The following DNAH8 variants were observed in gnomAD, a reference collection of about 807,000 sequenced individuals.
DNAH8 encodes dynein axonemal heavy chain 8.
Under a neutral mutation model 562.1 loss-of-function variants are expected in DNAH8, and 382 were observed. The ratio of observed to expected loss-of-function variants is 0.68; its 90% CI spans 0.63 to 0.74. DNAH8 has a LOEUF of 0.74. Among genes scored for constraint, DNAH8 ranks in the 30% least tolerant of loss-of-function variants. The pLI is 0.00. For synonymous variants in DNAH8, 1,881 were observed against 1,919.4 expected (o/e 0.98, Z 0.52); for missense variants, 5,203 against 5,620.4 (o/e 0.93, Z 2.37).
chr6:38,785,640 A>C (rs1582999624), intron 17 of DNAH8, among the ~76,000 whole-genome samples: 7 of 142,178 alleles, frequency 4.9e-5, no homozygotes, highest in Admixed American at 7.1e-5. Flanking sequence ...CTTGCTCCCC[A>C]CCCCCCGACA....
In DNAH8 at chr6:38,822,841, C is replaced by G; in HGVS notation, c.3527C>G (p.Ser1176Cys). 1.9e-6 allele frequency: 3 copies of G among 1,572,852 alleles called. No homozygotes were observed. Among genetic ancestry groups the G allele is most frequent in the Non-Finnish European group, 2.6e-6 (3 of 1,164,882 alleles). ...GTGTAAAAACATCTGTTTTCAGGAT[C>G]TTTTGAAGAAGCTATTCCTGCGAGG... Reference protein sequence around the residue: ...TGKLLKKEERSFEEAIPARKL... With the variant: ...TGKLLKKEERCFEEAIPARKL... Residue 1176 changes from serine (S) to cysteine (C), a missense_variant, in exon 27 of 93, where the codon TCT (serine) becomes TGT (cysteine). By Grantham distance (112) the Ser-to-Cys change is moderately radical (BLOSUM62 -1). Transcript: ENST00000327475.
At chr6:39,005,743 A>G (rs1257201489) in intron 88 of DNAH8, among the ~76,000 whole-genome samples, 1 of 152,230 alleles carries the variant, frequency 6.6e-6, no homozygotes, top group Non-Finnish European at 1.5e-5. Flanking sequence ...TATCCTAGCA[A>G]TTAGAAGACA....
chr6:38,919,516 G>A (rs914294221), intron 70 of DNAH8, among the ~76,000 whole-genome samples: 4 of 152,022 alleles, frequency 2.6e-5, no homozygotes, highest in Non-Finnish European at 4.4e-5. Context: ...TAATTATATA[G>A]AAATTTTACA....
chr6:38,965,547 G>A (rs1025213636), intron 82 of DNAH8, among the ~76,000 whole-genome samples: 4 of 152,158 alleles, frequency 2.6e-5, no homozygotes, highest in African/African-American at 7.2e-5. Context: ...AAGAAAAAGT[G>A]GAAGAGACAC....
chr6:38,972,405 C>T (rs1763407933), intron 83 of DNAH8, among the ~76,000 whole-genome samples: 1 of 152,000 alleles, frequency 6.6e-6, no homozygotes, highest in African/African-American at 2.4e-5. Context: ...GTCATTAATT[C>T]TCAAATGCCC....
Position 38,908,115 on chromosome 6 carries a change from T to G in DNAH8, c.9508T>G (p.Ser3170Ala). Residue 3170 changes from serine (S) to alanine (A), a missense_variant, in exon 64 of 93, where the codon TCT becomes GCT. Physicochemically the swap from Ser to Ala is moderately conservative, Grantham distance 99. Transcript: ENST00000327475. ...RKNLHVVLCF[S>A]PVGEKFRARS... ...GAACTTACATGTTGTTCTCTGCTTT[T>G]CTCCAGTAAGTTTTTATTTTTATTT... The G allele has an allele frequency of 6.4e-7, 1 of 1,556,624 alleles. No homozygotes were observed. The highest frequency in any genetic ancestry group is 8.7e-7 in the Non-Finnish European group (1 of 1,153,050).
At chr6:38,998,589 A>G (rs754024395) in intron 88 of DNAH8, among the ~76,000 whole-genome samples, 1 of 152,222 alleles carries the variant, frequency 6.6e-6, no homozygotes, top group African/African-American at 2.4e-5. Flanking sequence ...ATGCTCATTG[A>G]TATTTCATGT....
intron 85 of DNAH8, among the ~76,000 whole-genome samples, chr6:38,981,150 G>T (rs902034556): frequency 6.6e-6 from 1 of 151,872 alleles, no homozygotes; most frequent in Non-Finnish European, 1.5e-5. Flanking sequence ...TAGATGTATA[G>T]GGATTCTACT....
chr6:38,772,953 C>G (rs1420845598), intron 12 of DNAH8, among the ~76,000 whole-genome samples: 1 of 143,480 alleles, frequency 7.0e-6, no homozygotes, highest in African/African-American at 2.6e-5. Flanking sequence ...CATATACCAC[C>G]ATGCCTAGCT....
Position 38,909,689 on chromosome 6 carries a change from A to G in DNAH8, c.9685A>G (p.Thr3229Ala). Residue 3229 changes from threonine to alanine, a missense_variant, in exon 65 of 93, where the codon ACA becomes GCA. Physicochemically the swap from Thr to Ala is moderately conservative, Grantham distance 58 (BLOSUM62 0). Transcript: ENST00000327475. ...TGAAATTAAAAGACAAGTTGTAGAAACAATGGGCCTGTTTCATGACATGGT... is the reference window on the plus strand; with the variant it reads ...TGAAATTAAAAGACAAGTTGTAGAAGCAATGGGCCTGTTTCATGACATGGT... ...SSEIKRQVVETMGLFHDMVSE... is the reference protein window; with the variant it reads ...SSEIKRQVVEAMGLFHDMVSE... The G allele has an allele frequency of 6.2e-7, 1 of 1,614,162 alleles. No individual in the cohort carries two copies.
Position 38,857,529 on chromosome 6 carries a change from G to T in DNAH8, c.5745G>T (p.Leu1915=). Residue 1915 remains leucine, a synonymous_variant, in exon 42 of 93, where the codon CTG becomes CTT. Transcript: ENST00000327475. ...TGCTGGATCTGTAGGTTGGACTTCT[G>T]GGAATTCAGATGTTGTGGACACACG... ...LSHFPAQVGL[L]GIQMLWTHDS... The T allele has an allele frequency of 9.9e-6, 16 of 1,608,500 alleles. No individual in the cohort carries two copies. The highest frequency in any genetic ancestry group is 1.3e-5 in the Non-Finnish European group (15 of 1,176,740).
chr6:38,814,105 A>C lies in DNAH8; in HGVS notation c.3309A>C (p.Glu1103Asp). Residue 1103 changes from glutamate (E) to aspartate (D), a missense_variant, in exon 25 of 93, where the codon GAA (glutamate) becomes GAC (aspartate). Around this residue, in one of 6 missense-constraint regions of DNAH8, gnomAD observed 2,176 missense variants for 2,365.1 expected, o/e 0.92. Coordinates refer to ENST00000327475, the MANE Select transcript of DNAH8 (RefSeq NM_001206927.2). Reference protein sequence around the residue: ...SEDIISFIKSEVHLAIPNVVM... With the variant: ...SEDIISFIKSDVHLAIPNVVM... ...ATATTATTTCCTTTATAAAAAGTGA[A>C]GTACATCTTGCAATTCCTAATGTGG... 1.3e-6 allele frequency: 2 copies of C among 1,578,962 alleles called. No homozygotes were observed. Among genetic ancestry groups the C allele is most frequent in the Non-Finnish European group, 1.7e-6 (2 of 1,149,936 alleles).
rs762339219 is a variant in DNAH8, at chr6:38,875,758, C to T, written c.7788C>T (p.Ser2596=). The part of the protein sequence containing the change: ...KLEAFLRQHE[S]KLDLPEIPKG... ...AAGCCTTCTTACGGCAGCATGAAAG[C>T]AAGTTGGACTTACCAGAAATACCTA... The change falls in exon 53 of 93, where the codon AGC becomes AGT. Residue 2596 remains serine (S), a synonymous_variant. Transcript: ENST00000327475. The T allele has an allele frequency of 6.2e-7, 1 of 1,613,906 alleles. No homozygotes were observed. The highest frequency in any genetic ancestry group is 8.5e-7 in the Non-Finnish European group (1 of 1,179,922).
At chr6:38,887,778 A>G (rs1779052950) in intron 57 of DNAH8, among the ~76,000 whole-genome samples, 1 of 152,108 alleles carries the variant, frequency 6.6e-6, no homozygotes, top group Non-Finnish European at 1.5e-5. Flanking sequence ...CCTTGCATAT[A>G]AGAACATTAA....
intron 1 of DNAH8, among the ~76,000 whole-genome samples, chr6:38,715,943 T>A (rs1166275227): frequency 3.7e-5 from 1 of 26,890 alleles, no homozygotes; most frequent in African/African-American, 1.5e-4. Context: ...TATATATATA[T>A]ATATATATAT....
chr6:38,747,206 T>C (rs1765015068), intron 8 of DNAH8, among the ~76,000 whole-genome samples: 3 of 152,154 alleles, frequency 2.0e-5, no homozygotes, highest in South Asian at 2.1e-4. Context: ...CTTATTATTA[T>C]CTTCCCCATT....
rs758338554 is a variant in DNAH8 at position 38,780,026 on chromosome 6, T to G, written c.2100T>G (p.Ile700Met). The change falls in exon 15 of 93, where the codon ATT becomes ATG. Residue 700 changes from isoleucine (I) to methionine (M), a missense_variant. Ile to Met is a conservative substitution (Grantham distance 10, BLOSUM62 1). Around this residue, in one of 6 missense-constraint regions of DNAH8, gnomAD observed 2,176 missense variants for 2,365.1 expected, o/e 0.92. Coordinates refer to ENST00000327475, the MANE Select transcript of DNAH8 (RefSeq NM_001206927.2). ...AAATAAACCACACAATAGAGCGTAT[T>G]CTTCAGTACTATGTGGCTGAACTTG... ...GLEINHTIER[I>M]LQYYVAELDA... 9.3e-6 allele frequency: 15 copies of G among 1,613,994 alleles called. No homozygotes were observed. The Admixed American group carries it at 2.5e-4, about 27-fold the overall frequency.
intron 10 of DNAH8, among the ~76,000 whole-genome samples, chr6:38,760,713 G>C (rs1446430838): frequency 6.6e-6 from 1 of 152,048 alleles, no homozygotes; most frequent in Admixed American, 6.6e-5. Flanking sequence ...CCCTCCTTGT[G>C]GTAATGACTT....
chr6:38,865,890 T>C (rs925123073), intron 45 of DNAH8, among the ~76,000 whole-genome samples: 3 of 152,138 alleles, frequency 2.0e-5, no homozygotes, highest in Non-Finnish European at 4.4e-5. Context: ...GACTGAAGGT[T>C]TTTAACAAAC....
Sources: allele counts gnomAD v4.1 joint callset (sites outside exome capture counted in the v4.1 genomes callset), GRCh38; gene constraint gnomAD v4.1.1; regional missense constraint gnomAD v4.1.1; transcripts MANE v1.5; gene names NCBI Gene and HGNC (gene_info 2026-07-23, HGNC 2026-07-21).